The following DIPK2A variants were observed in gnomAD, a reference collection of about 807,000 sequenced individuals.
The protein encoded by DIPK2A is divergent protein kinase domain 2A, also known as Golgi Protein of 49 kDa.
In DIPK2A, 27 loss-of-function variants were observed where a neutral mutation model predicts 39.0. That is an observed-to-expected ratio of 0.69 (90% CI 0.51 to 0.96). DIPK2A has a LOEUF of 0.96. DIPK2A is among the 40% of genes least tolerant of loss of function. The pLI is 0.00. For missense variants in DIPK2A, 528 were observed against 571.3 expected (o/e 0.92, Z 0.77); for synonymous variants, 298 against 240.8 (o/e 1.24, Z -2.20).
intron 1 of DIPK2A, among the ~76,000 whole-genome samples, chr3:143,982,151 A>G (rs1056833619): frequency 6.6e-6 from 1 of 152,192 alleles, no homozygotes; most frequent in African/African-American, 2.4e-5. Flanking sequence ...TTATAGCATC[A>G]GTGCTTTTAA....
At chr3:143,986,042 G>A (rs1037584766) in intron 2 of DIPK2A, 196 bp downstream of exon 2, 8 of 556,944 alleles carry the variant, frequency 1.4e-5, no homozygotes, top group East Asian at 5.9e-5. Context: ...TGATAAACCC[G>A]GTGTCAGTTG....
At chr3:143,974,155 T>C (rs1340741921) in intron 1 of DIPK2A, among the ~76,000 whole-genome samples, 1 of 151,556 alleles carries the variant, frequency 6.6e-6, no homozygotes, top group African/African-American at 2.4e-5. Flanking sequence ...AATGCATGAA[T>C]AGGAAAGTGC....
chr3:143,972,434 G>C lies in DIPK2A; in HGVS notation c.102G>C (p.Ser34=), dbSNP rs991850862. Residue 34 remains serine (S), a synonymous_variant, in exon 1 of 3, where the codon TCG becomes TCC. Transcript: ENST00000315691. ...TGCTGATGGTGCTGCACTCGCCGTC[G>C]CTGCTCGCCTCTTGGCAGCGCAACG... The part of the protein sequence containing the change: ...LLVLMVLHSP[S]LLASWQRNEL... The C allele has an allele frequency of 1.3e-6, 2 of 1,577,962 alleles. No homozygotes were observed. The highest frequency in any genetic ancestry group is 2.7e-5 in the African/African-American group (2 of 73,630).
chr3:143,978,629 T>TAG (rs1196779455), intron 1 of DIPK2A: 1 of 34,542 alleles, frequency 2.9e-5, no homozygotes, highest in Admixed American at 2.9e-4. Flanking sequence ...TATCTATATA[T>TAG]ATATATATAT....
intron 1 of DIPK2A, chr3:143,973,306 C>T (rs2087685246): frequency 6.5e-7 from 1 of 1,528,482 alleles, no homozygotes; most frequent in East Asian, 2.5e-5. Flanking sequence ...TTTCCTTCCG[C>T]TCTCTACCCT....
At position 143,972,679 on chromosome 3, in the gene DIPK2A, G is replaced by A. The variant is rs1201691071; in HGVS notation, c.347G>A (p.Arg116His). 4.4e-6 allele frequency: 7 copies of A among 1,608,180 alleles called. No homozygotes were observed. In the South Asian group the frequency reaches 6.6e-5, roughly 15 times the overall value. The change falls in exon 1 of 3, where the codon CGC (arginine) becomes CAC (histidine). Residue 116 changes from arginine to histidine, a missense_variant. Around this residue, in one of 2 missense-constraint regions of DIPK2A, gnomAD observed 309 missense variants for 289.8 expected, o/e 1.07. Coordinates refer to ENST00000315691, the MANE Select transcript of DIPK2A (RefSeq NM_173552.5). ...RVVLKRLGSQ[R>H]ELAQLDQSIC... ...GTGCTCAAGCGCCTCGGCTCGCAGC[G>A]CGAGCTGGCGCAGCTCGACCAGAGC...
At chr3:143,973,114 G>C in intron 1 of DIPK2A, 125 bp downstream of exon 1, 1 of 1,322,706 alleles carries the variant, frequency 7.6e-7, no homozygotes, top group Non-Finnish European at 1.0e-6. Context: ...CCAGGCTGCA[G>C]GCGTGGGAAG....
chr3:143,989,523 T>C lies in DIPK2A; in HGVS notation c.975T>C (p.Asn325=). The C allele has an allele frequency of 6.2e-7, 1 of 1,600,048 alleles. No homozygotes were observed. The highest frequency in any genetic ancestry group is 8.5e-7 in the Non-Finnish European group (1 of 1,169,970). ...CTCCTTTCACAGATAAACCTGAAAATTGGGATGTATGGTATGAAAGCAAGT... is the reference window on the plus strand; with the variant it reads ...CTCCTTTCACAGATAAACCTGAAAACTGGGATGTATGGTATGAAAGCAAGT... The part of the protein sequence containing the change: ...KRLIRQNKPE[N]WDVWYESKFD... The change falls in exon 3 of 3, where the codon AAT becomes AAC. Residue 325 remains asparagine, a synonymous_variant. Transcript: ENST00000315691.
chr3:143,973,085 C>G, intron 1 of DIPK2A, 96 bp downstream of exon 1: 7 of 1,433,554 alleles, frequency 4.9e-6, no homozygotes, highest in Non-Finnish European at 6.6e-6. Flanking sequence ...GCCGCCAGTT[C>G]GGACTCGGCC....
In DIPK2A at chr3:143,989,770, C is replaced by T. The variant is rs368719318; in HGVS notation, c.1222C>T (p.Arg408Cys). 1.4e-5 allele frequency: 23 copies of T among 1,614,024 alleles called. No individual in the cohort carries two copies. The highest frequency in any genetic ancestry group is 1.7e-5 in the Non-Finnish European group (20 of 1,180,030). Residue 408 changes from arginine to cysteine, a missense_variant, in exon 3 of 3, where the codon CGC becomes TGC. Coordinates refer to ENST00000315691, the MANE Select transcript of DIPK2A (RefSeq NM_173552.5). The part of the protein sequence containing the change: ...LLDECANPKK[R>C]YGRFQAAKEL... ...GGATGAGTGTGCCAACCCAAAGAAG[C>T]GCTATGGCAGATTCCAGGCTGCAAA...
intron 2 of DIPK2A, chr3:143,986,095 T>A: frequency 2.3e-6 from 1 of 444,014 alleles, no homozygotes; most frequent in Non-Finnish European, 4.0e-6. Flanking sequence ...CGGGACATCA[T>A]AGCTTAGTCT....
In DIPK2A at chr3:143,972,301, C is replaced by T. The variant is rs2087661254; in HGVS notation, c.-32C>T. On this transcript the variant is annotated 5_prime_UTR_variant, in exon 1 of 3. Transcript: ENST00000315691. ...CGCGGCGGGGGCGCCCCGGGGGTGCCCTCGCCCTCCCGTTGCGGGCGGGCG... is the reference window on the plus strand; with the variant it reads ...CGCGGCGGGGGCGCCCCGGGGGTGCTCTCGCCCTCCCGTTGCGGGCGGGCG... 5.9e-6 allele frequency: 8 copies of T among 1,344,764 alleles called. No individual in the cohort carries two copies. Among genetic ancestry groups the T allele is most frequent in the Non-Finnish European group, 7.6e-6 (8 of 1,053,522 alleles). 83.3% of individuals were successfully genotyped at this position (1,344,764 alleles called of 1,614,324 possible). A position where few individuals can be genotyped will look rare whatever the true frequency, so the allele number is the denominator to read the frequency against.
intron 1 of DIPK2A, among the ~76,000 whole-genome samples, chr3:143,976,371 A>C (rs2087728625): frequency 6.6e-6 from 1 of 152,082 alleles, no homozygotes; most frequent in Non-Finnish European, 1.5e-5. Flanking sequence ...ATGAAAAAAA[A>C]AATGGAGGAG....
At chr3:143,983,992 C>G (rs1025920449) in intron 1 of DIPK2A, among the ~76,000 whole-genome samples, 1 of 152,218 alleles carries the variant, frequency 6.6e-6, no homozygotes, top group Non-Finnish European at 1.5e-5. Context: ...TGTATCAGCA[C>G]TTGCTGCTTC....
rs2087676542 is a variant in DIPK2A, at chr3:143,972,855, C to G, written c.523C>G (p.Leu175Val). 1 of 1,570,148 alleles carries G rather than the reference C, an allele frequency of 6.4e-7. No homozygotes were observed. Among genetic ancestry groups the G allele is most frequent in the East Asian group, 2.3e-5 (1 of 42,984 alleles). Residue 175 changes from leucine to valine, a missense_variant, in exon 1 of 3, where the codon CTT (leucine) becomes GTT (valine). Transcript: ENST00000315691. Reference sequence around the variant, plus strand: ...CCTGGTGCACTGCCCCTCGCAGCGCCTTCTCGACCGCCTGGTGCGCCGCTA... The same window carrying G: ...CCTGGTGCACTGCCCCTCGCAGCGCGTTCTCGACCGCCTGGTGCGCCGCTA... ...SDLVHCPSQR[L>V]LDRLVRRYAE...
At chr3:143,986,722 CAAAAAAAAAA>C (rs11293429) in intron 2 of DIPK2A, among the ~76,000 whole-genome samples, 1 of 67,060 alleles carries the variant, frequency 1.5e-5, no homozygotes, top group Non-Finnish European at 3.8e-5. Context: ...GACTCCGTCT[CAAAAAAAAAA>C]AAAAAAAAAG....
intron 2 of DIPK2A, among the ~76,000 whole-genome samples, chr3:143,988,992 T>G (rs1157848322): frequency 1.3e-5 from 2 of 152,236 alleles, no homozygotes; most frequent in East Asian, 3.8e-4. Context: ...CTGTATCTCC[T>G]TGCCAACTAC....
In DIPK2A at chr3:143,972,161, C is replaced by T. The variant is rs1243860323; in HGVS notation, c.-172C>T. On this transcript the variant is annotated 5_prime_UTR_variant, in exon 1 of 3. Transcript: ENST00000315691. The stretch of plus-strand genomic sequence containing the variant: ...AGAAGTCGCAGCCCGCTCAGGCCCG[C>T]GCCTTCCCGCTCCCCGTCTTCCTCT... 6.1e-6 allele frequency: 3 copies of T among 492,572 alleles called. No individual in the cohort carries two copies. The highest frequency in any genetic ancestry group is 9.9e-6 in the Non-Finnish European group (3 of 302,024). The allele number at this position is 492,572 out of a possible 1,614,324, so 30.5% of individuals were successfully genotyped here.
In DIPK2A at chr3:143,989,841, G is replaced by A; in HGVS notation, c.1293G>A (p.Ter431=). The A allele has an allele frequency of 6.2e-7, 1 of 1,605,626 alleles. No homozygotes were observed. Among genetic ancestry groups the A allele is most frequent in the Non-Finnish European group, 8.5e-7 (1 of 1,173,442 alleles). ...CACAATTAAGTAACAACGTGAGGTAGTCTATGGTGAACTTTTCTTTTTTTC... is the reference window on the plus strand; with the variant it reads ...CACAATTAAGTAACAACGTGAGGTAATCTATGGTGAACTTTTCTTTTTTTC... ...YLAQLSNNVR[*] The change falls in exon 3 of 3, where the codon TAG becomes TAA. Residue 431 remains the stop codon, a stop_retained_variant. Transcript: ENST00000315691.
Sources: gnomAD v4.1 joint callset for allele counts (sites outside exome capture counted in the v4.1 genomes callset) on GRCh38, gnomAD v4.1.1 for gene constraint, gnomAD v4.1.1 regional missense constraint, MANE v1.5 for transcripts, NCBI Gene and HGNC (gene_info 2026-07-23, HGNC 2026-07-21) for gene names.